NAE1: variants seen among roughly 807,000 people sequenced by gnomAD.
NAE1 encodes the protein NEDD8-activating enzyme E1 regulatory subunit.
Under a neutral mutation model 88.0 loss-of-function variants are expected in NAE1, and 59 were observed. The observed-to-expected ratio is 0.67, with a 90% CI of 0.54 to 0.83. The LOEUF (loss-of-function observed/expected upper bound fraction) is 0.83, where lower values mean the gene tolerates loss of function less well. NAE1 is among the 40% of genes least tolerant of loss of function. The probability of loss-of-function intolerance (pLI) is 0.00; values close to 1 mark genes in which losing one functional copy is unlikely to be tolerated. For synonymous variants in NAE1, 186 were observed against 208.9 expected, an observed-to-expected ratio of 0.89 and a Z score of 0.95; for missense variants, 554 against 632.8, an observed-to-expected ratio of 0.88 and a Z score of 1.34.
At chr16:66,816,243 A>G (rs1351780560) in intron 11 of NAE1, among the ~76,000 whole-genome samples, 1 of 151,792 alleles carries the variant, frequency 6.6e-6, no homozygotes, top group African/African-American at 2.4e-5. Flanking sequence ...TTGGCTCACT[A>G]TAACCTCTGC....
In NAE1 at chr16:66,807,780, A is replaced by G. The variant is rs1191953792; in HGVS notation, c.1330+741T>C. 2.6e-5 allele frequency among the ~76,000 whole-genome samples: 4 copies of G among 152,348 alleles called. No homozygotes were observed. In the East Asian group the frequency reaches 7.7e-4, roughly 29 times the overall value. The stretch of plus-strand genomic sequence containing the variant: ...TATCATCCCAAAGAAAAATATTCTG[A>G]GCAACCTCAGATCTTTGAGATTATG... On this transcript the variant is annotated intron_variant, in intron 17 of 19. Coordinates refer to ENST00000290810, the MANE Select transcript of NAE1 (RefSeq NM_003905.4).
intron 7 of NAE1, among the ~76,000 whole-genome samples, chr16:66,820,215 T>C (rs1960194542): frequency 6.6e-6 from 1 of 152,232 alleles, no homozygotes; most frequent in Non-Finnish European, 1.5e-5. Context: ...GCTTGGCTCA[T>C]AGTAAAAATG....
At chr16:66,821,635 A>G in intron 6 of NAE1, 76 bp from the exon 7 acceptor site, 1 of 1,242,532 alleles carries the variant, frequency 8.0e-7, no homozygotes, top group Non-Finnish European at 1.1e-6. Flanking sequence ...GCAAAACATG[A>G]AAATGTCTTA....
At chr16:66,826,640 G>A in intron 2 of NAE1, 37 bp downstream of exon 2, 2 of 1,613,376 alleles carry the variant, frequency 1.2e-6, no homozygotes, top group Non-Finnish European at 1.7e-6. Flanking sequence ...TAAACTTAAA[G>A]AAGTATATTT....
intron 13 of NAE1, 42 bp from the exon 14 acceptor site, chr16:66,810,814 T>G: frequency 6.4e-7 from 1 of 1,572,272 alleles, no homozygotes; most frequent in African/African-American, 1.5e-5. Flanking sequence ...ATTTTTAAAT[T>G]AGCAAAATTT....
chr16:66,811,670 G>A (rs1004588163), intron 13 of NAE1, among the ~76,000 whole-genome samples: 2 of 152,086 alleles, frequency 1.3e-5, no homozygotes, highest in African/African-American at 4.8e-5. Context: ...CCAAAGTGCT[G>A]GGAATACAGG....
chr16:66,828,074 T>C (rs1250370541), intron 1 of NAE1: 2 of 1,612,140 alleles, frequency 1.2e-6, no homozygotes, highest in Admixed American at 3.3e-5. Context: ...TATGGAGGAA[T>C]CGCCTAGAAG....
chr16:66,823,193 A>G (rs935339966), intron 6 of NAE1, 34 bp downstream of exon 6: 6 of 1,333,620 alleles, frequency 4.5e-6, no homozygotes, highest in African/African-American at 3.0e-5. Context: ...ATCTAATAAG[A>G]TTAAAATAAA....
chr16:66,803,580 T>C (rs1959440190), intron 19 of NAE1, among the ~76,000 whole-genome samples: 2 of 151,900 alleles, frequency 1.3e-5, no homozygotes, highest in African/African-American at 2.4e-5. Flanking sequence ...CAAATATTCA[T>C]GGACTGGATA....
At chr16:66,819,039 T>G (rs1960156884) in intron 7 of NAE1, among the ~76,000 whole-genome samples, 1 of 152,212 alleles carries the variant, frequency 6.6e-6, no homozygotes, top group South Asian at 2.1e-4. Flanking sequence ...ATCTTTAATT[T>G]TTAAATGGAC....
intron 7 of NAE1, among the ~76,000 whole-genome samples, chr16:66,819,286 ACTT>A (rs1352646144): frequency 6.6e-6 from 1 of 152,126 alleles, no homozygotes; most frequent in African/African-American, 2.4e-5. Flanking sequence ...ATCTACCTAG[ACTT>A]CTTCTCCAGA....
intron 15 of NAE1, among the ~76,000 whole-genome samples, chr16:66,809,399 A>G: frequency 6.6e-6 from 1 of 152,240 alleles, no homozygotes; most frequent in East Asian, 1.9e-4. Flanking sequence ...TATAAAGTGC[A>G]TCTCTAGCAC....
chr16:66,815,540 A>G (rs1960007454), intron 11 of NAE1, among the ~76,000 whole-genome samples: 1 of 152,090 alleles, frequency 6.6e-6, no homozygotes, highest in Admixed American at 6.5e-5. Context: ...AATTTTTTGT[A>G]GAGACAAGAT....
intron 3 of NAE1, among the ~76,000 whole-genome samples, chr16:66,825,156 T>C (rs1221326740): frequency 1.3e-5 from 2 of 152,138 alleles, no homozygotes; most frequent in Non-Finnish European, 2.9e-5. Context: ...TAAAAACGTT[T>C]GGGAAACACC....
intron 3 of NAE1, 82 bp downstream of exon 3, chr16:66,826,441 G>T: frequency 7.7e-7 from 1 of 1,301,090 alleles, no homozygotes; most frequent in Non-Finnish European, 1.1e-6. Context: ...TGAGAGTCGA[G>T]TCACCCTGAC....
At chr16:66,814,610 T>C (rs77573411) in intron 11 of NAE1, among the ~76,000 whole-genome samples, 8 of 138,972 alleles carry the variant, frequency 5.8e-5, no homozygotes, top group Admixed American at 7.4e-5. Flanking sequence ...AAAAAAAAAA[T>C]ACACACACAC....
chr16:66,826,272 G>A (rs886837747), intron 3 of NAE1: 1 of 478,892 alleles, frequency 2.1e-6, no homozygotes, highest in Non-Finnish European at 3.8e-6. Context: ...CATATTCCAT[G>A]AATAAAGGAA....
Position 66,808,520 on chromosome 16 carries a change from C to T in NAE1, c.1330+1G>A. The T allele has an allele frequency of 6.5e-7, 1 of 1,544,596 alleles. No individual in the cohort carries two copies. The highest frequency in any genetic ancestry group is 8.9e-7 in the Non-Finnish European group (1 of 1,124,598). On this transcript the variant is annotated splice_donor_variant, in intron 17 of 19. Coordinates refer to ENST00000290810, the MANE Select transcript of NAE1 (RefSeq NM_003905.4). LOFTEE classifies it high-confidence loss of function. ...TCTGGTAATTCAATTGCTATTCTTACCTGGATATCTACCCTGTTGTTTATG... is the reference window on the plus strand; with the variant it reads ...TCTGGTAATTCAATTGCTATTCTTATCTGGATATCTACCCTGTTGTTTATG...
intron 1 of NAE1, 65 bp downstream of exon 1, chr16:66,830,781 CT>C: frequency 6.9e-7 from 1 of 1,456,488 alleles, no homozygotes; most frequent in African/African-American, 1.5e-5. Context: ...CGCCCGCGCC[CT>C]TAGGCCCGGC....
Sources: allele counts gnomAD v4.1 joint callset (sites outside exome capture counted in the v4.1 genomes callset), GRCh38; gene constraint gnomAD v4.1.1; transcripts MANE v1.5; gene names NCBI Gene and HGNC (gene_info 2026-07-23, HGNC 2026-07-21).